Variants in CMTR1 observed in about 807,000 individuals in gnomAD.
The protein encoded by CMTR1 is cap-specific mRNA (nucleoside-2'-O-)-methyltransferase 1.
A neutral mutation model predicts 107.0 loss-of-function variants in CMTR1; 39 were observed. The observed-to-expected ratio is 0.36, with a 90% CI of 0.28 to 0.48. The LOEUF (loss-of-function observed/expected upper bound fraction) is 0.48, where lower values mean the gene tolerates loss of function less well. Among genes scored for constraint, CMTR1 ranks in the 20% least tolerant of loss-of-function variants. The pLI, the probability that CMTR1 is intolerant of heterozygous loss-of-function variation, is 0.99. For missense variants in CMTR1, 672 were observed against 1,064.9 expected (o/e 0.63, Z 5.14); for synonymous variants, 366 against 379.5 (o/e 0.96, Z 0.41).
intron 13 of CMTR1, among the ~76,000 whole-genome samples, chr6:37,469,145 AAAAACAAAAAAC>A (rs767807703): frequency 9.9e-5 from 15 of 152,040 alleles, no homozygotes; most frequent in South Asian, 8.3e-4. Flanking sequence ...AAAAAAAAAC[AAAAACAAAAAAC>A]AAAACAAAAA....
rs1771789454 is a variant in CMTR1 at position 37,446,158 on chromosome 6, A to G, written c.286-133A>G. On this transcript the variant is annotated intron_variant, in intron 3 of 23. Transcript: ENST00000373451. ...TTATTTATTTATGCTTCTTTTCTTC[A>G]TTAGGCTAAGACAAACTTTAGACTT... 5.0e-6 allele frequency: 5 copies of G among 993,488 alleles called. No individual in the cohort carries two copies. The Admixed American group carries it at 1.3e-4, about 27-fold the overall frequency. The allele number at this position is 993,488 out of a possible 1,614,324, so 61.5% of individuals were successfully genotyped here.
intron 22 of CMTR1, 93 bp downstream of exon 22, chr6:37,478,614 G>GA: frequency 7.0e-6 from 7 of 993,250 alleles, no homozygotes; most frequent in Non-Finnish European, 7.9e-6. Flanking sequence ...CAGAGCGAAG[G>GA]GCTCCCAGCT....
intron 10 of CMTR1, among the ~76,000 whole-genome samples, chr6:37,460,409 TG>T (rs1157711444): frequency 6.6e-6 from 1 of 152,156 alleles, no homozygotes; most frequent in Non-Finnish European, 1.5e-5. Flanking sequence ...CTGCTCTGGC[TG>T]AGCAGATGTG....
chr6:37,457,186 C>T (rs1458135312), intron 8 of CMTR1, among the ~76,000 whole-genome samples: 1 of 150,392 alleles, frequency 6.6e-6, no homozygotes, highest in Non-Finnish European at 1.5e-5. Flanking sequence ...TACCACTGTA[C>T]TCCAGCATGG....
chr6:37,471,212 C>A, intron 14 of CMTR1, 135 bp downstream of exon 14: 1 of 721,860 alleles, frequency 1.4e-6, no homozygotes, highest in South Asian at 2.0e-5. Context: ...CTGCTATGGT[C>A]TCTGAAGGAT....
chr6:37,444,332 T>C (rs1383236130), intron 3 of CMTR1, among the ~76,000 whole-genome samples, 182 bp downstream of exon 3: 1 of 152,292 alleles, frequency 6.6e-6, no homozygotes, highest in East Asian at 1.9e-4. Flanking sequence ...TTGTATCATC[T>C]ATAGGCAGCA....
Position 37,435,657 on chromosome 6 carries a change from A to C in CMTR1, c.28A>C (p.Thr10Pro). 2 of 1,601,508 alleles carry C rather than the reference A, an allele frequency of 1.2e-6. No homozygotes were observed. The highest frequency in any genetic ancestry group is 1.7e-6 in the Non-Finnish European group (2 of 1,175,068). Reference protein sequence around the residue: MKRRTDPECTAPIKKQKKRV... With the variant: MKRRTDPECPAPIKKQKKRV... ...GAAGAGGAGAACTGACCCAGAATGC[A>C]CTGCCCCCATCAAGAAACAGAAAAA... Residue 10 changes from threonine (T) to proline (P), a missense_variant, in exon 2 of 24, where the codon ACT (threonine) becomes CCT (proline). Physicochemically the swap from Thr to Pro is conservative, Grantham distance 38 (BLOSUM62 -1). Coordinates refer to ENST00000373451, the MANE Select transcript of CMTR1 (RefSeq NM_015050.3).
intron 17 of CMTR1, 133 bp from the exon 18 acceptor site, chr6:37,474,391 C>T: frequency 2.9e-6 from 3 of 1,030,732 alleles, no homozygotes; most frequent in South Asian, 3.0e-5. Context: ...TTTAATCTCT[C>T]ATAGACATTT....
In CMTR1 at chr6:37,445,062, C is replaced by T. The variant is rs75709711; in HGVS notation, c.285+912C>T. 3.9e-5 allele frequency among the ~76,000 whole-genome samples: 6 copies of T among 152,148 alleles called. No individual in the cohort carries two copies. In the East Asian group the frequency reaches 1.2e-3, roughly 29 times the overall value. ...AAAAAGAAAGAAATATTATAGTTGA[C>T]CCCTCCATTTTCTCTTAGATTCATT... is the stretch of plus-strand genomic sequence containing the variant. On this transcript the variant is annotated intron_variant, in intron 3 of 23. Transcript: ENST00000373451.
intron 4 of CMTR1, among the ~76,000 whole-genome samples, chr6:37,449,378 G>A (rs1562119396): frequency 6.6e-6 from 1 of 151,960 alleles, no homozygotes; most frequent in Non-Finnish European, 1.5e-5. Context: ...GCGCAATCTC[G>A]GCTCACTGCA....
At chr6:37,471,125 T>G in intron 14 of CMTR1, 48 bp downstream of exon 14, 4 of 1,505,594 alleles carry the variant, frequency 2.7e-6, no homozygotes, top group Non-Finnish European at 3.6e-6. Flanking sequence ...AGGGAAGATC[T>G]TGCTTTTCCT....
chr6:37,452,373 T>C lies in CMTR1; in HGVS notation c.609+496T>C, dbSNP rs143957658. 4.2e-3 allele frequency among the ~76,000 whole-genome samples: 635 copies of C among 152,334 alleles called. 5 individuals are homozygous for C. The highest frequency in any genetic ancestry group is 0.013 in the African/African-American group (559 of 41,570). On this transcript the variant is annotated intron_variant, in intron 6 of 23. Coordinates refer to ENST00000373451, the MANE Select transcript of CMTR1 (RefSeq NM_015050.3). ...ACCTGGGTAAATGTTAGCCTCCCCT[T>C]GACACTTTTTGTCTTAATTGAGAAT...
In CMTR1 at chr6:37,452,994, A is replaced by G; in HGVS notation, c.610-53A>G. On this transcript the variant is annotated intron_variant, in intron 6 of 23. Transcript: ENST00000373451. ...TGTGAGTTGGGCACTGCAGGGTCTT[A>G]AGGTCCCTTTCCTATCCTGGAATTC... 1.9e-6 allele frequency: 3 copies of G among 1,539,458 alleles called. No individual in the cohort carries two copies. The South Asian group carries it at 3.3e-5, about 17-fold the overall frequency.
In CMTR1 at chr6:37,480,225, C is replaced by T; in HGVS notation, c.*80C>T. 1 of 1,558,994 alleles carries T rather than the reference C, an allele frequency of 6.4e-7. No individual in the cohort carries two copies. Among genetic ancestry groups the T allele is most frequent in the East Asian group, 2.4e-5 (1 of 42,180 alleles). ...CACCTGGGGCCCACAGTGCTGGCTT[C>T]TTCCCCCTCTTGAAAAGGGACTGGG... is the stretch of plus-strand genomic sequence containing the variant. On this transcript the variant is annotated 3_prime_UTR_variant, in exon 24 of 24. Transcript: ENST00000373451.
Position 37,472,278 on chromosome 6 carries a change from ATCCC to A in CMTR1, c.1621-139_1621-136del. The A allele has an allele frequency of 4.1e-6, 3 of 740,672 alleles. No homozygotes were observed. In the South Asian group the frequency reaches 4.8e-5, roughly 12 times the overall value. 45.9% of individuals were successfully genotyped at this position (740,672 alleles called of 1,614,324 possible). A position where few individuals can be genotyped will look rare whatever the true frequency, so the allele number is the denominator to read the frequency against. Reference sequence around the variant, plus strand: ...AGCAGTGAGTGAATTATCCACCTCCATCCCTGTCAGCCTAGCCTCCTTTGTTGTG... The same window carrying A: ...AGCAGTGAGTGAATTATCCACCTCCATGTCAGCCTAGCCTCCTTTGTTGTG... On this transcript the variant is annotated intron_variant, in intron 15 of 23. Coordinates refer to ENST00000373451, the MANE Select transcript of CMTR1 (RefSeq NM_015050.3). The surrounding 1 kb of genome is among the most constrained non-coding windows in gnomAD (Gnocchi z 4.1).
rs754832713 is a variant in CMTR1, at chr6:37,461,652, C to G, written c.1192+7C>G. 1.9e-6 allele frequency: 3 copies of G among 1,568,286 alleles called. No homozygotes were observed. The highest frequency in any genetic ancestry group is 1.1e-5 in the South Asian group (1 of 88,506). ...CTGTCCATTGTCCGGACAGGTGACA[C>G]TTCCTCAGCTGTCTCCTCACCCCAG... On this transcript the variant is annotated splice_region_variant and intron_variant, in intron 11 of 23. Coordinates refer to ENST00000373451, the MANE Select transcript of CMTR1 (RefSeq NM_015050.3).
Position 37,458,924 on chromosome 6 carries a change from C to T in CMTR1, c.976+114C>T. On this transcript the variant is annotated intron_variant, in intron 9 of 23. Transcript: ENST00000373451. The surrounding 1 kb of genome is among the most constrained non-coding windows in gnomAD (Gnocchi z 4.7). ...ATATTTTCTTTCCTAGGTCTCTTAC[C>T]CTGGGCTTCACAGTTCATGTCAGAA... 1.1e-6 allele frequency: 1 copy of T among 948,492 alleles called. No individual in the cohort carries two copies. Among genetic ancestry groups the T allele is most frequent in the Non-Finnish European group, 1.6e-6 (1 of 634,888 alleles). The allele number at this position is 948,492 out of a possible 1,614,324, so 58.8% of individuals were successfully genotyped here. A position where few individuals can be genotyped will look rare whatever the true frequency, so the allele number is the denominator to read the frequency against.
chr6:37,431,814 T>A (rs140646502), upstream of CMTR1, among the ~76,000 whole-genome samples: 1 of 152,190 alleles, frequency 6.6e-6, no homozygotes, highest in African/African-American at 2.4e-5. Context: ...GCATGTTTTG[T>A]TTTGTTGTGT....
upstream of CMTR1, among the ~76,000 whole-genome samples, chr6:37,432,815 G>A (rs1168834070): frequency 6.6e-6 from 1 of 152,172 alleles, no homozygotes; most frequent in Admixed American, 6.5e-5. Context: ...CTGTCCTCCC[G>A]TCCTTCGTTC....
Sources: gnomAD v4.1 joint callset for allele counts (sites outside exome capture counted in the v4.1 genomes callset) on GRCh38, gnomAD v4.1.1 for gene constraint, Gnocchi (gnomAD v3.1) non-coding constraint, MANE v1.5 for transcripts, NCBI Gene and HGNC (gene_info 2026-07-23, HGNC 2026-07-21) for gene names.